The following CLCN3 variants were observed in gnomAD, a reference collection of about 807,000 sequenced individuals.
The protein encoded by CLCN3 is H(+)/Cl(-) exchange transporter 3.
A neutral mutation model predicts 83.4 loss-of-function variants in CLCN3; 16 were observed. The observed-to-expected ratio is 0.19, with a 90% CI of 0.13 to 0.29. The LOEUF (loss-of-function observed/expected upper bound fraction) is 0.29, where lower values mean the gene tolerates loss of function less well. Ranked by LOEUF, CLCN3 falls within the 10% of genes least tolerant of loss-of-function variation. CLCN3 has a pLI of 1.00. For missense variants in CLCN3, 544 were observed against 1,006.0 expected, an observed-to-expected ratio of 0.54 and a Z score of 6.21; for synonymous variants, 322 against 346.2, an observed-to-expected ratio of 0.93 and a Z score of 0.78.
At chr4:169,622,360 AG>A (rs2150193603) in intron 1 of CLCN3, among the ~76,000 whole-genome samples, 1 of 152,180 alleles carries the variant, frequency 6.6e-6, no homozygotes, top group South Asian at 2.1e-4. Flanking sequence ...TGTTAGTGGT[AG>A]GCTTTCCATT....
At chr4:169,631,002 A>G (rs1029457318) in intron 1 of CLCN3, among the ~76,000 whole-genome samples, 38 of 152,030 alleles carry the variant, frequency 2.5e-4, no homozygotes, top group Non-Finnish European at 7.3e-5. Context: ...GTCAAATGGT[A>G]TTTCTGTTTT....
intron 2 of CLCN3, among the ~76,000 whole-genome samples, chr4:169,679,223 C>T (rs1291806353): frequency 9.4e-5 from 14 of 148,230 alleles, no homozygotes; most frequent in African/African-American, 2.8e-4. Context: ...ACGGGGCAGC[C>T]GGGCAGAGGC....
intron 2 of CLCN3, among the ~76,000 whole-genome samples, chr4:169,648,686 A>G (rs1176541740): frequency 2.6e-5 from 4 of 152,192 alleles, no homozygotes; most frequent in African/African-American, 4.8e-5. Flanking sequence ...CTATTAAACA[A>G]TCTCACAAAA....
At chr4:169,682,837 G>T (rs1731999013) in intron 3 of CLCN3, among the ~76,000 whole-genome samples, 2 of 152,262 alleles carry the variant, frequency 1.3e-5, no homozygotes, top group African/African-American at 2.4e-5. Flanking sequence ...TATGGAGTCA[G>T]CAATTTTGCC....
At chr4:169,652,453 C>G (rs576501611) in intron 2 of CLCN3, among the ~76,000 whole-genome samples, 3 of 152,292 alleles carry the variant, frequency 2.0e-5, no homozygotes, top group African/African-American at 7.2e-5. Flanking sequence ...CATGTTGTTG[C>G]AGGTAGTAGC....
chr4:169,661,303 C>A (rs1239709884), intron 2 of CLCN3, among the ~76,000 whole-genome samples: 1 of 152,058 alleles, frequency 6.6e-6, no homozygotes, highest in Non-Finnish European at 1.5e-5. Context: ...CATTTTTGAG[C>A]CACATTAGTT....
intron 2 of CLCN3, among the ~76,000 whole-genome samples, chr4:169,636,925 T>G (rs572571188): frequency 4.2e-4 from 64 of 152,218 alleles, no homozygotes; most frequent in African/African-American, 1.5e-3. Flanking sequence ...ATTTCTTTTT[T>G]TTTTGTCAAT....
chr4:169,693,214 A>T (rs1732438254), intron 7 of CLCN3, among the ~76,000 whole-genome samples: 1 of 152,210 alleles, frequency 6.6e-6, no homozygotes, highest in Non-Finnish European at 1.5e-5. Context: ...TAATTCTAGT[A>T]CATTTTAATG....
At chr4:169,718,093 C>G (rs1004948453) in intron 12 of CLCN3, among the ~76,000 whole-genome samples, 2 of 152,122 alleles carry the variant, frequency 1.3e-5, no homozygotes, top group Non-Finnish European at 2.9e-5. Context: ...CTCATCAAAT[C>G]ATTCATTACA....
At chr4:169,687,443 A>C (rs1044711888) in intron 3 of CLCN3, among the ~76,000 whole-genome samples, 2 of 152,172 alleles carry the variant, frequency 1.3e-5, no homozygotes, top group Non-Finnish European at 2.9e-5. Context: ...TTTTAATAAA[A>C]AATAAAAGCA....
intron 3 of CLCN3, among the ~76,000 whole-genome samples, chr4:169,687,265 C>G (rs1332807421): frequency 6.6e-6 from 1 of 152,072 alleles, no homozygotes; most frequent in East Asian, 1.9e-4. Context: ...CCTTTGCACT[C>G]AAATCTCAAG....
intron 2 of CLCN3, 98 bp from the exon 3 acceptor site, chr4:169,679,952 T>A: frequency 1.0e-6 from 1 of 956,126 alleles, no homozygotes; most frequent in Non-Finnish European, 1.7e-6. Context: ...GGGAGAGGGA[T>A]TATTTCTGTA....
At chr4:169,663,481 C>T (rs1184207914) in intron 2 of CLCN3, 1 of 280,994 alleles carries the variant, frequency 3.6e-6, no homozygotes, top group East Asian at 1.4e-4. Flanking sequence ...AGGCTTGCAA[C>T]ACCTTGCCTG....
intron 3 of CLCN3, among the ~76,000 whole-genome samples, chr4:169,684,261 G>A (rs2150243286): frequency 6.6e-6 from 1 of 152,228 alleles, no homozygotes; most frequent in African/African-American, 2.4e-5. Context: ...TATTTCTATA[G>A]AGAGTTTACC....
chr4:169,709,513 G>A (rs1041884497), intron 11 of CLCN3, among the ~76,000 whole-genome samples: 10 of 151,858 alleles, frequency 6.6e-5, no homozygotes, highest in Admixed American at 1.3e-4. Flanking sequence ...GTGAAATCCC[G>A]CCTCTACTAA....
In CLCN3 at chr4:169,697,175, TTTC is replaced by T. The variant is rs749993962; in HGVS notation, c.1018-11_1018-9del. 78 of 1,530,028 alleles carry T rather than the reference TTTC, an allele frequency of 5.1e-5. No homozygotes were observed. Among genetic ancestry groups the T allele is most frequent in the Non-Finnish European group, 6.7e-5 (76 of 1,138,730 alleles). The allele number at this position is 1,530,028 out of a possible 1,614,324, so 94.8% of individuals were successfully genotyped here. On this transcript the variant is annotated splice_polypyrimidine_tract_variant and intron_variant, in intron 8 of 12. Transcript: ENST00000513761. ...TTATAGCATTAATTTTTCTTTTCCT[TTTC>T]TTTTTTTTAGGTTAGCTATTATTTT...
intron 1 of CLCN3, among the ~76,000 whole-genome samples, chr4:169,625,225 A>G (rs1463802384): frequency 6.6e-6 from 1 of 152,160 alleles, no homozygotes; most frequent in Non-Finnish European, 1.5e-5. Flanking sequence ...CTTTTGTTCC[A>G]TCTCTCTAGT....
At position 169,722,705 on chromosome 4, in the gene CLCN3, T is replaced by G. The variant is rs567288922; in HGVS notation, c.*2708T>G. The G allele has an allele frequency of 6.6e-6, 1 of 152,330 alleles. No individual in the cohort carries two copies. Among genetic ancestry groups the G allele is most frequent in the South Asian group, 2.1e-4 (1 of 4,828 alleles). The allele number at this position is 152,330 out of a possible 1,614,324, so 9.4% of individuals were successfully genotyped here. A position where few individuals can be genotyped will look rare whatever the true frequency, so the allele number is the denominator to read the frequency against. ...GGTGGATATTAATTAAAGCATTAAT[T>G]TTGTTTTTTGGTATATTTCTATCCC... is the stretch of plus-strand genomic sequence containing the variant. On this transcript the variant is annotated 3_prime_UTR_variant, in exon 13 of 13. Transcript: ENST00000513761.
intron 12 of CLCN3, among the ~76,000 whole-genome samples, chr4:169,719,251 G>A (rs1303072536): frequency 1.3e-5 from 2 of 152,228 alleles, no homozygotes; most frequent in African/African-American, 4.8e-5. Context: ...TGGATCACAA[G>A]GTCAGGAGTT....
Sources: allele counts gnomAD v4.1 joint callset (sites outside exome capture counted in the v4.1 genomes callset), GRCh38; gene constraint gnomAD v4.1.1; transcripts MANE v1.5; gene names NCBI Gene and HGNC (gene_info 2026-07-23, HGNC 2026-07-21).